The following NKAIN2 variants were observed in gnomAD, a reference collection of about 807,000 sequenced individuals.
NKAIN2 encodes sodium/potassium transporting ATPase interacting 2.
Under a neutral mutation model 32.6 loss-of-function variants are expected in NKAIN2, and 14 were observed. The ratio of observed to expected loss-of-function variants is 0.43; its 90% confidence interval spans 0.28 to 0.67. The LOEUF is 0.67. Among genes scored for constraint, NKAIN2 ranks in the 30% least tolerant of loss-of-function variants. The pLI is 0.17. For missense variants in NKAIN2, 198 were observed against 258.3 expected (o/e 0.77, Z 1.60); for synonymous variants, 80 against 87.2 (o/e 0.92, Z 0.46).
intron 3 of NKAIN2, among the ~76,000 whole-genome samples, chr6:124,358,096 G>A (rs1799077520): frequency 6.6e-6 from 1 of 152,150 alleles, no homozygotes; most frequent in African/African-American, 2.4e-5. Flanking sequence ...CCCTACAAAG[G>A]ACATGAACTC....
At chr6:123,807,135 A>G (rs1450570923) in intron 1 of NKAIN2, among the ~76,000 whole-genome samples, 1 of 152,106 alleles carries the variant, frequency 6.6e-6, no homozygotes, top group Non-Finnish European at 1.5e-5. Context: ...TTGGCAGACT[A>G]CAAGTATTGA....
At chr6:123,988,384 T>G (rs1241742608) in intron 1 of NKAIN2, among the ~76,000 whole-genome samples, 1 of 152,172 alleles carries the variant, frequency 6.6e-6, no homozygotes, top group East Asian at 1.9e-4. Flanking sequence ...ATTGTTTTTA[T>G]GGGGATTGGG....
chr6:124,296,333 G>C (rs1050629052), intron 2 of NKAIN2, among the ~76,000 whole-genome samples: 21 of 152,042 alleles, frequency 1.4e-4, no homozygotes, highest in African/African-American at 4.8e-4. Flanking sequence ...TCTCAGTTAT[G>C]TTTTATTTCA....
chr6:124,672,817 T>C (rs1773170909), intron 4 of NKAIN2, among the ~76,000 whole-genome samples: 1 of 152,066 alleles, frequency 6.6e-6, no homozygotes, highest in African/African-American at 2.4e-5. Flanking sequence ...AGGCATCTTC[T>C]CTAAGCCTCA....
At position 124,344,307 on chromosome 6, in the gene NKAIN2, T is replaced by C. The variant is rs544439694; in HGVS notation, c.193-10960T>C. Among the ~76,000 whole-genome samples, 18 of 152,146 alleles carry C rather than the reference T, an allele frequency of 1.2e-4. 1 individual carries two copies. The East Asian group carries it at 2.5e-3, about 21-fold the overall frequency. ...TTCTTTTGGCTTAGGATTCACTTGG[T>C]GATGCGGGCTCTTTTTTGGTTCCAT... On this transcript the variant is annotated intron_variant, in intron 2 of 6. Coordinates refer to ENST00000368417, the MANE Select transcript of NKAIN2 (RefSeq NM_001040214.3).
At chr6:124,641,653 G>A (rs1212369687) in intron 3 of NKAIN2, among the ~76,000 whole-genome samples, 1 of 142,200 alleles carries the variant, frequency 7.0e-6, no homozygotes, top group African/African-American at 2.6e-5. Flanking sequence ...CTGGGCTAAA[G>A]CGATTCTCCT....
chr6:124,082,513 C>G (rs970954355), intron 1 of NKAIN2, among the ~76,000 whole-genome samples: 1 of 151,760 alleles, frequency 6.6e-6, no homozygotes, highest in African/African-American at 2.4e-5. Flanking sequence ...TCCCTATGGA[C>G]TCCATTTATT....
In NKAIN2 at chr6:124,352,872, G is replaced by A. The variant is rs796610091; in HGVS notation, c.193-2395G>A. On this transcript the variant is annotated intron_variant, in intron 2 of 6. Coordinates refer to ENST00000368417, the MANE Select transcript of NKAIN2 (RefSeq NM_001040214.3). ...CTAGACCCAGCCCTCAACTCATAGA[G>A]CTTCTCAAATTCCATATTTTGTCTT... Among the ~76,000 whole-genome samples the A allele has an allele frequency of 3.9e-5, 6 of 152,212 alleles. No individual in the cohort carries two copies. The East Asian group carries it at 7.7e-4, about 20-fold the overall frequency.
chr6:124,610,480 C>G (rs1349120198), intron 3 of NKAIN2, among the ~76,000 whole-genome samples: 1 of 152,148 alleles, frequency 6.6e-6, no homozygotes, highest in East Asian at 1.9e-4. Context: ...GAACTAATAT[C>G]TTTTTCAGAG....
intron 1 of NKAIN2, among the ~76,000 whole-genome samples, chr6:123,982,668 T>C (rs2114668629): frequency 6.6e-6 from 1 of 152,292 alleles, no homozygotes; most frequent in African/African-American, 2.4e-5. Flanking sequence ...GCATTAAATA[T>C]ATTTTTTAAT....
Position 123,834,793 on chromosome 6 carries a change from A to G in NKAIN2, c.54+30539A>G, listed in dbSNP as rs796529321. On this transcript the variant is annotated intron_variant, in intron 1 of 6. Transcript: ENST00000368417. ...TGATGAATGGGCATTGGATTTTGTC[A>G]GATGCTTTTTTTTTGCGTGTACTGA... Among the ~76,000 whole-genome samples, 12 of 152,194 alleles carry G rather than the reference A, an allele frequency of 7.9e-5. 1 individual carries two copies. Among genetic ancestry groups the G allele is most frequent in the African/African-American group, 2.9e-4 (12 of 41,516 alleles).
At chr6:124,285,759 A>C (rs2114929616) in intron 2 of NKAIN2, among the ~76,000 whole-genome samples, 1 of 152,238 alleles carries the variant, frequency 6.6e-6, no homozygotes, top group South Asian at 2.1e-4. Context: ...ACTCCTCAAA[A>C]ACTTAACTCC....
chr6:124,654,050 G>A (rs1784455410), intron 3 of NKAIN2, among the ~76,000 whole-genome samples: 2 of 152,004 alleles, frequency 1.3e-5, no homozygotes, highest in African/African-American at 4.8e-5. Flanking sequence ...GGAATAGAAA[G>A]GGAATATTTC....
At chr6:124,192,725 C>CTCCT (rs1430322223) in intron 1 of NKAIN2, among the ~76,000 whole-genome samples, 1 of 143,404 alleles carries the variant, frequency 7.0e-6, no homozygotes, top group South Asian at 2.3e-4. Flanking sequence ...GTCTATTTCT[C>CTCCT]TCCTTAGTTC....
intron 1 of NKAIN2, among the ~76,000 whole-genome samples, chr6:124,133,049 A>C (rs1355132097): frequency 6.6e-6 from 1 of 152,120 alleles, no homozygotes; most frequent in East Asian, 1.9e-4. Flanking sequence ...GAAAGTCTGC[A>C]CCTCTACCCC....
At chr6:124,303,660 C>T (rs1197159940) in intron 2 of NKAIN2, among the ~76,000 whole-genome samples, 1 of 152,148 alleles carries the variant, frequency 6.6e-6, no homozygotes, top group Non-Finnish European at 1.5e-5. Flanking sequence ...TGGGTTAGCA[C>T]CCAAGATGGA....
intron 1 of NKAIN2, among the ~76,000 whole-genome samples, chr6:123,950,945 A>T (rs1298744223): frequency 1.3e-5 from 2 of 151,866 alleles, no homozygotes; most frequent in Non-Finnish European, 2.9e-5. Flanking sequence ...TTTTCCTTTT[A>T]GCACTGCACT....
At chr6:124,048,209 A>T (rs1048364452) in intron 1 of NKAIN2, among the ~76,000 whole-genome samples, 3 of 152,082 alleles carry the variant, frequency 2.0e-5, no homozygotes, top group East Asian at 1.9e-4. Flanking sequence ...ATATCCCAAG[A>T]TATGCAAATA....
chr6:124,576,824 G>T (rs1177506578), intron 3 of NKAIN2, among the ~76,000 whole-genome samples: 1 of 152,118 alleles, frequency 6.6e-6, no homozygotes, highest in African/African-American at 2.4e-5. Context: ...CAAAAATTAA[G>T]TTAAAATGAA....
Sources: allele counts gnomAD v4.1 joint callset (sites outside exome capture counted in the v4.1 genomes callset), GRCh38; gene constraint gnomAD v4.1.1; transcripts MANE v1.5; gene names NCBI Gene and HGNC (gene_info 2026-07-23, HGNC 2026-07-21).